The following CNOT4 variants were observed in gnomAD, a reference collection of about 807,000 sequenced individuals.
CNOT4 encodes the protein CCR4-associated factor 4.
CNOT4 carries 8 observed loss-of-function variants against 73.8 expected under a neutral mutation model. That is an observed-to-expected ratio of 0.11 (90% CI 0.06 to 0.20). The LOEUF is 0.20. CNOT4 is among the 10% of genes least tolerant of loss of function. The probability of loss-of-function intolerance (pLI) is 1.00; values close to 1 mark genes in which losing one functional copy is unlikely to be tolerated. For synonymous variants in CNOT4, 293 were observed against 321.1 expected, an observed-to-expected ratio of 0.91 and a Z score of 0.94; for missense variants, 564 against 883.4, an observed-to-expected ratio of 0.64 and a Z score of 4.58.
At chr7:135,397,541 T>C (rs1585582892) in intron 8 of CNOT4, among the ~76,000 whole-genome samples, 1 of 150,458 alleles carries the variant, frequency 6.6e-6, no homozygotes, top group East Asian at 1.9e-4. Context: ...TTACGGGAGA[T>C]ACTAAATTAC....
chr7:135,411,882 G>T (rs1303518171), intron 6 of CNOT4, among the ~76,000 whole-genome samples: 1 of 151,744 alleles, frequency 6.6e-6, no homozygotes, highest in Admixed American at 6.6e-5. Flanking sequence ...ATTTCCTATG[G>T]CACTAAATTT....
rs147938750 is a variant in CNOT4, at chr7:135,453,623, G to T, written c.-92-15200C>A. 4.0e-4 allele frequency among the ~76,000 whole-genome samples: 60 copies of T among 151,278 alleles called. No homozygotes were observed. The East Asian group carries it at 0.01, about 26-fold the overall frequency. ...ATTCATAAAGGAGGGCAGATAACAG[G>T]TATCTGGGTAAATAATGATTTTTAA... On this transcript the variant is annotated intron_variant, in intron 1 of 11. Transcript: ENST00000541284.
intron 7 of CNOT4, among the ~76,000 whole-genome samples, chr7:135,406,695 G>A (rs1005241457): frequency 6.6e-6 from 1 of 151,980 alleles, no homozygotes; most frequent in African/African-American, 2.4e-5. Context: ...AGGTTCTGTA[G>A]CACTGGCTTT....
chr7:135,417,154 T>A (rs374693033), intron 3 of CNOT4, among the ~76,000 whole-genome samples: 7 of 152,136 alleles, frequency 4.6e-5, no homozygotes, highest in Non-Finnish European at 8.8e-5. Context: ...CTTTATTACA[T>A]AGGATAAAAT....
chr7:135,438,867 T>C (rs942778378), intron 1 of CNOT4, among the ~76,000 whole-genome samples: 8 of 152,170 alleles, frequency 5.3e-5, no homozygotes, highest in African/African-American at 1.9e-4. Flanking sequence ...TATAGTTACA[T>C]GTTAACATCA....
At chr7:135,481,933 G>GT (rs1252348866) in intron 1 of CNOT4, among the ~76,000 whole-genome samples, 3 of 152,254 alleles carry the variant, frequency 2.0e-5, no homozygotes, top group East Asian at 3.9e-4. Flanking sequence ...GCTGCAGAGG[G>GT]TGGGTGGGTG....
At chr7:135,480,921 C>T (rs1181057339) in intron 1 of CNOT4, among the ~76,000 whole-genome samples, 1 of 148,624 alleles carries the variant, frequency 6.7e-6, no homozygotes. Context: ...CTGGATCTCT[C>T]TCTCTCTCAC....
At chr7:135,368,299 T>C (rs1795018983) in intron 10 of CNOT4, among the ~76,000 whole-genome samples, 1 of 152,048 alleles carries the variant, frequency 6.6e-6, no homozygotes, top group South Asian at 2.1e-4. Context: ...AGCTGACAAA[T>C]CTAGTTTTCA....
At chr7:135,473,144 G>C (rs562672070) in intron 1 of CNOT4, among the ~76,000 whole-genome samples, 2 of 152,136 alleles carry the variant, frequency 1.3e-5, no homozygotes, top group Non-Finnish European at 2.9e-5. Flanking sequence ...TTGGCTTGGA[G>C]GTTTGAATAA....
intron 1 of CNOT4, among the ~76,000 whole-genome samples, chr7:135,453,602 A>G (rs936646462): frequency 6.6e-6 from 1 of 151,836 alleles, no homozygotes; most frequent in Non-Finnish European, 1.5e-5. Flanking sequence ...GACAGAATTC[A>G]TAAAGGAGGG....
chr7:135,410,526 C>A lies in CNOT4; in HGVS notation c.810G>T (p.Gln270His). ...ATATCAATACTTACGTATCGTACCTCTGCAGTGGTGTCACTTTGTTCTTAT... is the reference window on the plus strand; with the variant it reads ...ATATCAATACTTACGTATCGTACCTATGCAGTGGTGTCACTTTGTTCTTAT... Reference protein sequence around the residue: ...DKNKNKVTPLQRYDTPIDKPS... With the variant: ...DKNKNKVTPLHRYDTPIDKPS... Residue 270 changes from glutamine to histidine, a missense_variant, in exon 7 of 12, where the codon CAG becomes CAT. Physicochemically the swap from Gln to His is conservative, Grantham distance 24. Coordinates refer to ENST00000541284, the MANE Select transcript of CNOT4 (RefSeq NM_001190850.2). 1 of 1,535,198 alleles carries A rather than the reference C, an allele frequency of 6.5e-7. No homozygotes were observed. The highest frequency in any genetic ancestry group is 8.8e-7 in the Non-Finnish European group (1 of 1,135,224).
chr7:135,372,458 G>T (rs1002506230), intron 10 of CNOT4, among the ~76,000 whole-genome samples: 2 of 151,878 alleles, frequency 1.3e-5, no homozygotes, highest in African/African-American at 4.8e-5. Flanking sequence ...AAAGGACCTC[G>T]ATTTAATCAT....
intron 1 of CNOT4, among the ~76,000 whole-genome samples, chr7:135,456,048 C>T (rs549917273): frequency 2.6e-5 from 4 of 152,280 alleles, no homozygotes; most frequent in African/African-American, 4.8e-5. Flanking sequence ...CATTAGGAAA[C>T]ATTTTTGTTG....
At chr7:135,397,551 CATTT>C (rs1242664186) in intron 8 of CNOT4, among the ~76,000 whole-genome samples, 1 of 148,464 alleles carries the variant, frequency 6.7e-6, no homozygotes, top group Admixed American at 6.7e-5. Context: ...TACTAAATTA[CATTT>C]ATTTTACCAA....
At chr7:135,435,314 C>G (rs1799087084) in intron 2 of CNOT4, among the ~76,000 whole-genome samples, 1 of 152,196 alleles carries the variant, frequency 6.6e-6, no homozygotes, top group Admixed American at 6.5e-5. Flanking sequence ...TCCTCTGAGA[C>G]TGCTCTCAGC....
chr7:135,454,626 A>G (rs543932237), intron 1 of CNOT4, among the ~76,000 whole-genome samples: 17 of 152,040 alleles, frequency 1.1e-4, no homozygotes, highest in Non-Finnish European at 1.9e-4. Context: ...GTGAGCCAAG[A>G]GTAAAAGCCT....
At chr7:135,440,066 A>G (rs1799384119) in intron 1 of CNOT4, among the ~76,000 whole-genome samples, 1 of 152,002 alleles carries the variant, frequency 6.6e-6, no homozygotes, top group South Asian at 2.1e-4. Flanking sequence ...AGAAGCCATA[A>G]AAGGAGACAA....
chr7:135,387,347 T>C, intron 10 of CNOT4: 1 of 985,232 alleles, frequency 1.0e-6, no homozygotes, highest in Non-Finnish European at 1.2e-6. Flanking sequence ...TAAGAATAGA[T>C]TTTTGTTTAC....
intron 1 of CNOT4, among the ~76,000 whole-genome samples, chr7:135,439,525 G>A (rs1040208434): frequency 1.3e-5 from 2 of 152,206 alleles, no homozygotes; most frequent in African/African-American, 2.4e-5. Context: ...AGCACTTTGA[G>A]AGGCCAAGGC....
Sources: gnomAD v4.1 joint callset for allele counts (sites outside exome capture counted in the v4.1 genomes callset) on GRCh38, gnomAD v4.1.1 for gene constraint, MANE v1.5 for transcripts, NCBI Gene and HGNC (gene_info 2026-07-23, HGNC 2026-07-21) for gene names.